CSTPP1: variants seen among roughly 807,000 people sequenced by gnomAD.
The protein encoded by CSTPP1 is UPF0705 protein C11orf49.
At chr11:46,955,566 T>C in the CSTPP1 span, among the ~76,000 whole-genome samples, 1 of 148,584 alleles carries the variant, frequency 6.7e-6, no homozygotes. Context: ...GGTTTCACCG[T>C]GTTGGCCAGG....
At chr11:47,002,146 C>T in the CSTPP1 span, among the ~76,000 whole-genome samples, 2,441 of 151,862 alleles carry the variant, frequency 0.016, 24 homozygotes, top group Non-Finnish European at 0.022. Flanking sequence ...GAAAATTACC[C>T]GTTTCTCATT....
chr11:46,981,045 G>A, the CSTPP1 span, among the ~76,000 whole-genome samples: 4 of 152,050 alleles, frequency 2.6e-5, no homozygotes, highest in Non-Finnish European at 5.9e-5. Flanking sequence ...CCTATGAAAT[G>A]CCAATTCCAT....
the CSTPP1 span, among the ~76,000 whole-genome samples, chr11:47,132,227 C>A: frequency 6.6e-6 from 1 of 152,146 alleles, no homozygotes; most frequent in African/African-American, 2.4e-5. Context: ...GACCCCCTAT[C>A]TTTGTGTTCA....
the CSTPP1 span, among the ~76,000 whole-genome samples, chr11:47,150,260 C>CA: frequency 6.6e-6 from 1 of 152,160 alleles, no homozygotes; most frequent in African/African-American, 2.4e-5. Flanking sequence ...TGAATGTCTG[C>CA]ATTCTCCATA....
At chr11:47,111,083 G>T in the CSTPP1 span, among the ~76,000 whole-genome samples, 1 of 151,866 alleles carries the variant, frequency 6.6e-6, no homozygotes, top group Non-Finnish European at 1.5e-5. Context: ...TAGTAGAGAC[G>T]GGGTTTTACT....
the CSTPP1 span, among the ~76,000 whole-genome samples, chr11:47,103,399 C>CAAAAA: frequency 7.6e-6 from 1 of 131,014 alleles, no homozygotes. Flanking sequence ...GACCCTGTCT[C>CAAAAA]AAAAAAAAAA....
chr11:46,963,298 C>T, the CSTPP1 span, among the ~76,000 whole-genome samples: 6 of 149,066 alleles, frequency 4.0e-5, no homozygotes, highest in African/African-American at 7.4e-5. Context: ...CCCTTTTATT[C>T]CTAGTTTGTT....
chr11:47,139,619 A>G, the CSTPP1 span, among the ~76,000 whole-genome samples: 1 of 151,318 alleles, frequency 6.6e-6, no homozygotes, highest in Non-Finnish European at 1.5e-5. Flanking sequence ...GGTTGCAGTG[A>G]GCCGATTGTG....
the CSTPP1 span, among the ~76,000 whole-genome samples, chr11:47,145,900 A>ATTATTTTATTTTATT: frequency 1.3e-5 from 2 of 151,200 alleles, no homozygotes; most frequent in Non-Finnish European, 2.9e-5. Context: ...CTTTCCGTAA[A>ATTATTTTATTTTATT]TTATTTTATT....
the CSTPP1 span, among the ~76,000 whole-genome samples, chr11:47,129,477 C>T: frequency 1.3e-5 from 2 of 152,140 alleles, no homozygotes; most frequent in Non-Finnish European, 2.9e-5. Context: ...ACAATGCATA[C>T]GGCTGCCCAC....
the CSTPP1 span, among the ~76,000 whole-genome samples, chr11:47,122,087 AAAAAATATATATATATAT>A: frequency 4.1e-5 from 3 of 73,036 alleles, no homozygotes; most frequent in Admixed American, 3.1e-4. Context: ...AAAAAAAAAA[AAAAAATATATATATATAT>A]ATATATATAT....
At chr11:46,974,857 AACACACAC>A in the CSTPP1 span, among the ~76,000 whole-genome samples, 1,874 of 144,210 alleles carry the variant, frequency 0.013, 43 homozygotes, top group African/African-American at 0.043. Flanking sequence ...TCTATCTCAA[AACACACAC>A]ACACACACAC....
At chr11:47,036,034 GATATATATATATATATATATATT>G in the CSTPP1 span, among the ~76,000 whole-genome samples, 2 of 25,394 alleles carry the variant, frequency 7.9e-5, no homozygotes, top group Admixed American at 4.4e-4. Flanking sequence ...GGAGTGAAAA[GATATATATATATATATATATATT>G]ATATATATAT....
At chr11:47,050,270 C>T in the CSTPP1 span, among the ~76,000 whole-genome samples, 1 of 152,180 alleles carries the variant, frequency 6.6e-6, no homozygotes, top group Non-Finnish European at 1.5e-5. Flanking sequence ...TACCTGGCAT[C>T]ACTTACCTGT....
the CSTPP1 span, among the ~76,000 whole-genome samples, chr11:46,966,699 A>T: frequency 6.6e-6 from 1 of 152,164 alleles, no homozygotes; most frequent in East Asian, 1.9e-4. Context: ...TTTTGCAGAA[A>T]TTTTTTATGC....
the CSTPP1 span, among the ~76,000 whole-genome samples, chr11:47,026,697 G>A: frequency 1.3e-5 from 2 of 152,078 alleles, no homozygotes; most frequent in Non-Finnish European, 2.9e-5. Context: ...GGCCAACCTG[G>A]CGAAACCCCA....
chr11:47,110,845 G>T, the CSTPP1 span, among the ~76,000 whole-genome samples: 1 of 150,826 alleles, frequency 6.6e-6, no homozygotes, highest in Non-Finnish European at 1.5e-5. Flanking sequence ...AGGTGGGTTA[G>T]CCCTGATCCA....
At chr11:47,076,178 A>C in the CSTPP1 span, among the ~76,000 whole-genome samples, 1 of 152,150 alleles carries the variant, frequency 6.6e-6, no homozygotes, top group Non-Finnish European at 1.5e-5. Context: ...TGCCCTAGTG[A>C]AAAAAGATTG....
At chr11:47,045,463 T>C in the CSTPP1 span, among the ~76,000 whole-genome samples, 1 of 152,200 alleles carries the variant, frequency 6.6e-6, no homozygotes. Flanking sequence ...ACTTATATGT[T>C]TCACTGTGGA....
Sources: allele counts gnomAD v4.1 joint callset (sites outside exome capture counted in the v4.1 genomes callset), GRCh38; gene constraint gnomAD v4.1.1; transcripts MANE v1.5; gene names NCBI Gene and HGNC (gene_info 2026-07-23, HGNC 2026-07-21).